Variants in DNAH9 observed in about 807,000 individuals in gnomAD.
DNAH9 encodes dynein axonemal heavy chain 9.
Under a neutral mutation model 471.6 loss-of-function variants are expected in DNAH9, and 345 were observed. That is an observed-to-expected ratio of 0.73 (90% confidence interval 0.67 to 0.80). The LOEUF is 0.80. DNAH9 is among the 30% of genes least tolerant of loss of function. DNAH9 has a pLI of 0.00. For missense variants in DNAH9, 5,407 were observed against 5,609.2 expected, an observed-to-expected ratio of 0.96 and a Z score of 1.15; for synonymous variants, 2,093 against 2,123.6, an observed-to-expected ratio of 0.99 and a Z score of 0.40.
intron 7 of DNAH9, among the ~76,000 whole-genome samples, chr17:11,631,985 A>C (rs1345776451): frequency 2.6e-5 from 4 of 151,954 alleles, no homozygotes; most frequent in Non-Finnish European, 5.9e-5. Flanking sequence ...ATACTAAAAA[A>C]AAAAATTCTT....
At chr17:11,681,995 C>A (rs1218236736) in intron 19 of DNAH9, among the ~76,000 whole-genome samples, 1 of 152,078 alleles carries the variant, frequency 6.6e-6, no homozygotes, top group East Asian at 1.9e-4. Flanking sequence ...TTAAAGAGAT[C>A]ATTCTTGAAA....
intron 43 of DNAH9, among the ~76,000 whole-genome samples, chr17:11,802,118 C>G (rs969376741): frequency 6.6e-6 from 1 of 152,198 alleles, no homozygotes; most frequent in Non-Finnish European, 1.5e-5. Context: ...GTTACTTTAT[C>G]CTCGCTCTGC....
chr17:11,747,584 T>C lies in DNAH9; in HGVS notation c.6428T>C (p.Val2143Ala), dbSNP rs773529753. 3.7e-6 allele frequency: 6 copies of C among 1,613,772 alleles called. No individual in the cohort carries two copies. In the Admixed American group the frequency reaches 1.0e-4, roughly 27 times the overall value. The change falls in exon 32 of 69, where the codon GTG becomes GCG. Residue 2143 changes from valine (V) to alanine (A), a missense_variant. Coordinates refer to ENST00000262442, the MANE Select transcript of DNAH9 (RefSeq NM_001372.4). Reference protein sequence around the residue: ...KVVQLEELLAVRHSVFVVGGA... With the variant: ...KVVQLEELLAARHSVFVVGGA... ...GTCCAGCTGGAGGAGCTCCTGGCTG[T>C]GCGGCACTCTGTATTTGTGGTGGGT...
At chr17:11,884,932 T>A (rs1163735530) in intron 56 of DNAH9, among the ~76,000 whole-genome samples, 1 of 152,092 alleles carries the variant, frequency 6.6e-6, no homozygotes, top group Non-Finnish European at 1.5e-5. Flanking sequence ...GTTTTTTTTT[T>A]ATCTTTTTCT....
chr17:11,726,158 A>G (rs766375073), intron 27 of DNAH9, among the ~76,000 whole-genome samples: 1 of 152,104 alleles, frequency 6.6e-6, no homozygotes, highest in Non-Finnish European at 1.5e-5. Flanking sequence ...ATCTATACAG[A>G]TACTCCTATC....
At chr17:11,798,922 A>G (rs1969353613) in intron 43 of DNAH9, among the ~76,000 whole-genome samples, 1 of 151,994 alleles carries the variant, frequency 6.6e-6, no homozygotes, top group Non-Finnish European at 1.5e-5. Context: ...TCAAAACCCC[A>G]GTTCTTTTGA....
At chr17:11,933,063 C>A (rs1974573556) in intron 64 of DNAH9, among the ~76,000 whole-genome samples, 1 of 152,202 alleles carries the variant, frequency 6.6e-6, no homozygotes, top group Non-Finnish European at 1.5e-5. Context: ...GCCCACTCAA[C>A]AGTAATCTTT....
intron 7 of DNAH9, among the ~76,000 whole-genome samples, chr17:11,630,969 C>T (rs1308412628): frequency 1.3e-5 from 2 of 152,056 alleles, no homozygotes; most frequent in Admixed American, 6.6e-5. Context: ...TTTTAAGCTT[C>T]GGGCAAAAAC....
chr17:11,815,486 T>C (rs555846216), intron 45 of DNAH9, among the ~76,000 whole-genome samples: 1 of 152,190 alleles, frequency 6.6e-6, no homozygotes, highest in African/African-American at 2.4e-5. Context: ...TGCAAAAGGG[T>C]CTATCTCAAC....
At chr17:11,698,182 T>TATTAATAATATATTAATTATATA (rs369729599) in intron 22 of DNAH9, among the ~76,000 whole-genome samples, 5 of 120,326 alleles carry the variant, frequency 4.2e-5, no homozygotes, top group East Asian at 2.1e-4. Flanking sequence ...TAATATATTA[T>TATTAATAATATATTAATTATATA]TATATTAATA....
intron 8 of DNAH9, among the ~76,000 whole-genome samples, chr17:11,635,713 C>G (rs554481471): frequency 6.6e-6 from 1 of 152,148 alleles, no homozygotes; most frequent in Non-Finnish European, 1.5e-5. Context: ...GGAAGAAACA[C>G]AGTCTAGGAG....
intron 45 of DNAH9, among the ~76,000 whole-genome samples, chr17:11,820,682 A>G (rs1050028172): frequency 2.0e-5 from 3 of 152,144 alleles, no homozygotes; most frequent in Non-Finnish European, 4.4e-5. Context: ...TTTACATACT[A>G]AGATTAACCA....
intron 1 of DNAH9, among the ~76,000 whole-genome samples, chr17:11,605,868 A>C (rs1258157058): frequency 6.6e-6 from 1 of 151,356 alleles, no homozygotes; most frequent in African/African-American, 2.4e-5. Context: ...AGCCCTTAAA[A>C]CCCCCACTCA....
intron 1 of DNAH9, among the ~76,000 whole-genome samples, chr17:11,602,081 A>G (rs1004730258): frequency 5.9e-5 from 9 of 152,000 alleles, no homozygotes; most frequent in African/African-American, 2.2e-4. Context: ...ACTACTGCCA[A>G]CTTATTTTTC....
intron 49 of DNAH9, among the ~76,000 whole-genome samples, chr17:11,852,801 A>AGTGTGTGTGTGT (rs375315617): frequency 1.2e-4 from 5 of 41,030 alleles, no homozygotes; most frequent in African/African-American, 1.8e-4. Context: ...TATATAAGAA[A>AGTGTGTGTGTGT]GTGTGTGTGT....
intron 43 of DNAH9, among the ~76,000 whole-genome samples, chr17:11,798,337 G>T (rs1461123792): frequency 6.6e-6 from 1 of 150,378 alleles, no homozygotes; most frequent in Non-Finnish European, 1.5e-5. Context: ...AGAGGCTGAG[G>T]CAAGAGAATC....
chr17:11,762,769 T>TTTTTTTTTTG (rs1491441303), intron 35 of DNAH9, among the ~76,000 whole-genome samples: 2 of 94,888 alleles, frequency 2.1e-5, no homozygotes, highest in Non-Finnish European at 4.5e-5. Context: ...TTTTTTTTTT[T>TTTTTTTTTTG]GTTTTTTTTT....
At chr17:11,673,419 C>G (rs1333046791) in intron 17 of DNAH9, among the ~76,000 whole-genome samples, 1 of 152,126 alleles carries the variant, frequency 6.6e-6, no homozygotes, top group African/African-American at 2.4e-5. Flanking sequence ...CTTAAATATT[C>G]CCTATCTCCA....
At position 11,693,954 on chromosome 17, in the gene DNAH9, C is replaced by G; in HGVS notation, c.4701C>G (p.Thr1567=). ...AAATTCCAAATGTAGTGCAAACCAC[C>G]AACAAGCCAGGCCTGTATGAAAAGC... ...AQKIPNVVQT[T]NKPGLYEKLE... The change falls in exon 21 of 69, where the codon ACC becomes ACG. Residue 1567 remains threonine, a synonymous_variant. Transcript: ENST00000262442. The G allele has an allele frequency of 6.2e-7, 1 of 1,614,098 alleles. No individual in the cohort carries two copies. The highest frequency in any genetic ancestry group is 1.1e-5 in the South Asian group (1 of 91,054).
Sources: allele counts gnomAD v4.1 joint callset (sites outside exome capture counted in the v4.1 genomes callset), GRCh38; gene constraint gnomAD v4.1.1; transcripts MANE v1.5; gene names NCBI Gene and HGNC (gene_info 2026-07-23, HGNC 2026-07-21).